The following GRIN2A variants were observed in gnomAD, a reference collection of about 807,000 sequenced individuals.
The protein encoded by GRIN2A is glutamate receptor ionotropic, NMDA 2A.
GRIN2A carries 22 observed loss-of-function variants against 113.4 expected under a neutral mutation model. The ratio of observed to expected loss-of-function variants is 0.19; its 90% CI spans 0.14 to 0.28. The LOEUF (loss-of-function observed/expected upper bound fraction) is 0.28, where lower values mean the gene tolerates loss of function less well. Among genes scored for constraint, GRIN2A ranks in the 10% least tolerant of loss-of-function variants. GRIN2A has a pLI of 1.00. For missense variants in GRIN2A, 1,502 were observed against 1,887.0 expected, an observed-to-expected ratio of 0.80 and a Z score of 3.78; for synonymous variants, 827 against 738.4, an observed-to-expected ratio of 1.12 and a Z score of -1.94.
chr16:9,953,037 G>C (rs935423843), intron 2 of GRIN2A, among the ~76,000 whole-genome samples: 6 of 152,130 alleles, frequency 3.9e-5, no homozygotes, highest in African/African-American at 1.4e-4. Flanking sequence ...AGGACCACTT[G>C]AGCTTGAGTA....
At chr16:10,005,915 T>A (rs2141853888) in intron 2 of GRIN2A, among the ~76,000 whole-genome samples, 1 of 152,354 alleles carries the variant, frequency 6.6e-6, no homozygotes, top group South Asian at 2.1e-4. Flanking sequence ...TACACAAACC[T>A]CTGAGTGTAT....
chr16:10,120,344 G>T (rs1260589246), intron 2 of GRIN2A, among the ~76,000 whole-genome samples: 1 of 152,136 alleles, frequency 6.6e-6, no homozygotes, highest in African/African-American at 2.4e-5. Context: ...CCACAGCAAA[G>T]AATTCTCCTG....
intron 2 of GRIN2A, among the ~76,000 whole-genome samples, chr16:10,007,868 T>C (rs2046432652): frequency 6.6e-6 from 1 of 152,126 alleles, no homozygotes; most frequent in South Asian, 2.1e-4. Context: ...ACAGGAGGAC[T>C]TTAGAATGGA....
chr16:10,090,781 T>C (rs1217239606), intron 2 of GRIN2A, among the ~76,000 whole-genome samples: 1 of 152,080 alleles, frequency 6.6e-6, no homozygotes, highest in Admixed American at 6.6e-5. Flanking sequence ...CATTTGCAAA[T>C]CATACATATG....
chr16:10,056,765 G>C (rs1329839663), intron 2 of GRIN2A, among the ~76,000 whole-genome samples: 3 of 152,158 alleles, frequency 2.0e-5, no homozygotes, highest in Non-Finnish European at 4.4e-5. Flanking sequence ...ACCACCAGAA[G>C]TTAGAAGATG....
intron 2 of GRIN2A, among the ~76,000 whole-genome samples, chr16:10,142,285 G>A (rs1567329050): frequency 6.6e-6 from 1 of 152,196 alleles, no homozygotes; most frequent in Non-Finnish European, 1.5e-5. Flanking sequence ...AGCACACAGA[G>A]ACTTGCAGCT....
chr16:9,955,076 C>T (rs2045274377), intron 2 of GRIN2A, among the ~76,000 whole-genome samples: 1 of 152,210 alleles, frequency 6.6e-6, no homozygotes, highest in Non-Finnish European at 1.5e-5. Flanking sequence ...TAAATCCTTG[C>T]AGCCATTTGC....
intron 2 of GRIN2A, among the ~76,000 whole-genome samples, chr16:10,120,486 GC>G (rs1376898310): frequency 6.6e-6 from 1 of 152,116 alleles, no homozygotes; most frequent in African/African-American, 2.4e-5. Flanking sequence ...AAAGCCAGTG[GC>G]CCTTTTTCTT....
At chr16:10,045,613 C>G (rs977508209) in intron 2 of GRIN2A, among the ~76,000 whole-genome samples, 23 of 152,326 alleles carry the variant, frequency 1.5e-4, no homozygotes, top group African/African-American at 4.3e-4. Flanking sequence ...CAGACTGGGT[C>G]AGACCAATGG....
At chr16:10,126,669 A>G (rs1364101060) in intron 2 of GRIN2A, among the ~76,000 whole-genome samples, 6 of 152,074 alleles carry the variant, frequency 3.9e-5, no homozygotes, top group African/African-American at 1.4e-4. Flanking sequence ...CGTATCACCA[A>G]CGTTTTTCCC....
At chr16:9,808,866 C>CTT (rs765820927) in intron 10 of GRIN2A, among the ~76,000 whole-genome samples, 49 of 152,180 alleles carry the variant, frequency 3.2e-4, no homozygotes, top group Admixed American at 1.9e-3. Context: ...GAGGACTCCC[C>CTT]AACGATCCTT....
chr16:10,057,946 CT>C (rs1167789711), intron 2 of GRIN2A, among the ~76,000 whole-genome samples: 3 of 152,104 alleles, frequency 2.0e-5, no homozygotes, highest in Admixed American at 2.0e-4. Flanking sequence ...CAGAACAGAG[CT>C]GTCAAATAAG....
At chr16:10,086,500 A>T (rs2048087170) in intron 2 of GRIN2A, among the ~76,000 whole-genome samples, 1 of 151,908 alleles carries the variant, frequency 6.6e-6, no homozygotes, top group African/African-American at 2.4e-5. Context: ...GCCAGACTTA[A>T]CTGCAAGTGA....
intron 2 of GRIN2A, among the ~76,000 whole-genome samples, chr16:10,141,460 C>G (rs1423743639): frequency 1.3e-5 from 2 of 152,078 alleles, no homozygotes; most frequent in Non-Finnish European, 2.9e-5. Flanking sequence ...TGCACTCCAG[C>G]CTGGGCAACA....
chr16:10,050,805 G>A (rs998733259), intron 2 of GRIN2A, among the ~76,000 whole-genome samples: 1 of 152,098 alleles, frequency 6.6e-6, no homozygotes, highest in Admixed American at 6.6e-5. Flanking sequence ...CACTGCTGTA[G>A]AGACAGTGAA....
chr16:9,772,639 G>C (rs537042298), intron 11 of GRIN2A, among the ~76,000 whole-genome samples: 1 of 152,280 alleles, frequency 6.6e-6, no homozygotes, highest in South Asian at 2.1e-4. Flanking sequence ...GCCTCCCAAA[G>C]TGCTAGGATT....
intron 10 of GRIN2A, among the ~76,000 whole-genome samples, chr16:9,807,706 G>C (rs549468978): frequency 3.7e-4 from 57 of 152,266 alleles, no homozygotes; most frequent in African/African-American, 1.3e-3. Flanking sequence ...AGACCGGTCT[G>C]TCACTCACCA....
chr16:9,944,307 TA>T (rs1489809789), intron 2 of GRIN2A, among the ~76,000 whole-genome samples: 1 of 152,066 alleles, frequency 6.6e-6, no homozygotes, highest in East Asian at 1.9e-4. Context: ...AGAGGAAAAG[TA>T]AAAACATCAA....
chr16:9,824,884 A>G (rs914239049), intron 9 of GRIN2A, among the ~76,000 whole-genome samples: 5 of 152,138 alleles, frequency 3.3e-5, no homozygotes, highest in African/African-American at 1.2e-4. Flanking sequence ...GGGGGCAAGG[A>G]TGGCTCATCT....
Sources: allele counts gnomAD v4.1 joint callset (sites outside exome capture counted in the v4.1 genomes callset), GRCh38; gene constraint gnomAD v4.1.1; transcripts MANE v1.5; gene names NCBI Gene and HGNC (gene_info 2026-07-23, HGNC 2026-07-21).